Variants in YIPF4 observed in about 807,000 individuals in gnomAD.
YIPF4 encodes protein YIPF4.
YIPF4 carries 18 observed loss-of-function variants against 29.4 expected under a neutral mutation model. The ratio of observed to expected loss-of-function variants is 0.61; its 90% CI spans 0.42 to 0.91. The LOEUF (loss-of-function observed/expected upper bound fraction) is 0.91. Among genes scored for constraint, YIPF4 ranks in the 40% least tolerant of loss-of-function variants. YIPF4 has a pLI of 0.00. For missense variants in YIPF4, 279 were observed against 282.7 expected (o/e 0.99, Z 0.09); for synonymous variants, 115 against 104.7 (o/e 1.10, Z -0.60).
chr2:32,305,383 G>T, intron 5 of YIPF4, 106 bp from the exon 6 acceptor site: 1 of 1,290,512 alleles, frequency 7.7e-7, no homozygotes, highest in South Asian at 2.3e-5. Flanking sequence ...AAAATTGGTT[G>T]TTGATTTTTT....
chr2:32,281,373 C>T (rs2148956962), intron 1 of YIPF4, among the ~76,000 whole-genome samples: 1 of 152,162 alleles, frequency 6.6e-6, no homozygotes, highest in East Asian at 1.9e-4. Context: ...TCCTGAGTAA[C>T]TGGGACTACA....
chr2:32,284,530 C>T (rs755741374), intron 1 of YIPF4, among the ~76,000 whole-genome samples: 27 of 152,102 alleles, frequency 1.8e-4, no homozygotes, highest in Non-Finnish European at 2.9e-4. Flanking sequence ...TCTGTCTCTC[C>T]CTCCTCTGGC....
At position 32,298,249 on chromosome 2, in the gene YIPF4, A is replaced by T. The variant is rs1327950771; in HGVS notation, c.421A>T (p.Ile141Leu). The T allele has an allele frequency of 1.2e-6, 2 of 1,610,442 alleles. No homozygotes were observed. The highest frequency in any genetic ancestry group is 2.2e-5 in the East Asian group (1 of 44,702). The change falls in exon 4 of 6, where the codon ATA (isoleucine) becomes TTA (leucine). Residue 141 changes from isoleucine (I) to leucine (L), a missense_variant. Coordinates refer to ENST00000238831, the MANE Select transcript of YIPF4 (RefSeq NM_032312.4). ...YGQFRVVSWI[I>L]TIWIFGSLTI... ...TCCCCCTAAGGTGGTCTCATGGATT[A>T]TAACCATTTGGATATTTGGTTCACT...
chr2:32,283,296 A>G (rs1051830259), intron 1 of YIPF4, among the ~76,000 whole-genome samples: 4 of 152,144 alleles, frequency 2.6e-5, no homozygotes, highest in Admixed American at 2.0e-4. Flanking sequence ...TACACGTCAT[A>G]TAAATTCTTG....
intron 4 of YIPF4, 82 bp downstream of exon 4, chr2:32,298,393 A>G (rs998122581): frequency 9.6e-7 from 1 of 1,041,346 alleles, no homozygotes; most frequent in Non-Finnish European, 1.4e-6. Flanking sequence ...CATTAGCTAT[A>G]CAAGAAACTT....
intron 5 of YIPF4, among the ~76,000 whole-genome samples, chr2:32,302,386 T>C (rs2031436941): frequency 6.6e-6 from 1 of 152,138 alleles, no homozygotes; most frequent in Admixed American, 6.6e-5. Context: ...ATAATATGAG[T>C]TCATCTGACA....
intron 1 of YIPF4, among the ~76,000 whole-genome samples, chr2:32,279,032 A>G (rs1005624297): frequency 6.7e-6 from 1 of 150,338 alleles, no homozygotes; most frequent in African/African-American, 2.5e-5. Flanking sequence ...CAGTGGCGCG[A>G]TCTCGGCTCA....
chr2:32,291,554 GA>G (rs1288260958), intron 2 of YIPF4, among the ~76,000 whole-genome samples: 1 of 151,994 alleles, frequency 6.6e-6, no homozygotes, highest in Non-Finnish European at 1.5e-5. Flanking sequence ...CAAAAACAAA[GA>G]AACAAACCGT....
At chr2:32,286,599 G>A (rs1407347014) in intron 1 of YIPF4, among the ~76,000 whole-genome samples, 1 of 151,916 alleles carries the variant, frequency 6.6e-6, no homozygotes, top group African/African-American at 2.4e-5. Context: ...AGGCTGGAGT[G>A]CAGTGGCGCG....
chr2:32,312,325 A>G lies in YIPF4; in HGVS notation c.*6699A>G, dbSNP rs544226960. 1.3e-5 allele frequency: 2 copies of G among 151,408 alleles called. No homozygotes were observed. Among genetic ancestry groups the G allele is most frequent in the East Asian group, 3.9e-4 (2 of 5,078 alleles). 9.4% of individuals were successfully genotyped at this position (151,408 alleles called of 1,614,324 possible). On this transcript the variant is annotated 3_prime_UTR_variant, in exon 6 of 6. Coordinates refer to ENST00000238831, the MANE Select transcript of YIPF4 (RefSeq NM_032312.4). ...AACACGGTGAAACCCTGACTCTACTAAAAATACCAAAAATTAGCCGGGCGT... is the reference window on the plus strand; with the variant it reads ...AACACGGTGAAACCCTGACTCTACTGAAAATACCAAAAATTAGCCGGGCGT...
rs761827789 is a variant in YIPF4, at chr2:32,305,618, G to A, written c.727G>A (p.Gly243Ser). Residue 243 changes from glycine to serine, a missense_variant, in exon 6 of 6, where the codon GGT becomes AGT. Transcript: ENST00000238831. ...LYIYFLSLYTGV is the reference protein window; with the variant it reads ...LYIYFLSLYTSV ...CATTTATTTTTTGTCGTTATATACT[G>A]GTGTGTGATCCAAGTTATACATGAA... 6.3e-7 allele frequency: 1 copy of A among 1,590,418 alleles called. No individual in the cohort carries two copies. Among genetic ancestry groups the A allele is most frequent in the Admixed American group, 1.8e-5 (1 of 56,534 alleles).
chr2:32,291,142 A>C (rs1465149184), intron 2 of YIPF4, among the ~76,000 whole-genome samples: 4 of 152,248 alleles, frequency 2.6e-5, no homozygotes, highest in Non-Finnish European at 4.4e-5. Context: ...TGAAAAGAAG[A>C]ACCTATAGCT....
At position 32,306,615 on chromosome 2, in the gene YIPF4, T is replaced by A; in HGVS notation, c.*989T>A. On this transcript the variant is annotated 3_prime_UTR_variant, in exon 6 of 6. Transcript: ENST00000238831. ...CCATGTCCTGTATTACTTGATATTT[T>A]AACAAGTATCAGGTACTCTCTAACA... 1.0e-6 allele frequency: 1 copy of A among 984,096 alleles called. No homozygotes were observed. The highest frequency in any genetic ancestry group is 1.2e-6 in the Non-Finnish European group (1 of 828,678). The allele number at this position is 984,096 out of a possible 1,614,324, so 61.0% of individuals were successfully genotyped here.
intron 3 of YIPF4, 48 bp from the exon 4 acceptor site, chr2:32,298,183 TATC>T (rs758008693): frequency 7.2e-6 from 10 of 1,392,434 alleles, no homozygotes; most frequent in Non-Finnish European, 9.1e-6. Context: ...CCTGGAAAAT[TATC>T]ATCTTATTTG....
chr2:32,286,534 A>T (rs2030677752), intron 1 of YIPF4, among the ~76,000 whole-genome samples: 1 of 152,136 alleles, frequency 6.6e-6, no homozygotes, highest in African/African-American at 2.4e-5. Context: ...AAAAATTTAT[A>T]CAAGACTTTG....
chr2:32,280,258 G>C (rs2030337775), intron 1 of YIPF4, among the ~76,000 whole-genome samples: 1 of 151,220 alleles, frequency 6.6e-6, no homozygotes, highest in African/African-American at 2.4e-5. Context: ...CTCCCGAGTA[G>C]CTGGAACTAC....
rs1477459395 is a variant in YIPF4, at chr2:32,315,673, G to A, written c.*10047G>A. The A allele has an allele frequency of 6.6e-6, 1 of 151,916 alleles. No homozygotes were observed. Among genetic ancestry groups the A allele is most frequent in the Non-Finnish European group, 1.5e-5 (1 of 68,040 alleles). 9.4% of individuals were successfully genotyped at this position (151,916 alleles called of 1,614,324 possible). ...GAGAGTGGCATGAACCCGGGAGGCG[G>A]AGATTGCAGTGAGCCGAGATCGCGC... On this transcript the variant is annotated 3_prime_UTR_variant, in exon 6 of 6. Transcript: ENST00000238831.
Position 32,315,168 on chromosome 2 carries a change from C to A in YIPF4, c.*9542C>A, listed in dbSNP as rs910446834. On this transcript the variant is annotated 3_prime_UTR_variant, in exon 6 of 6. Coordinates refer to ENST00000238831, the MANE Select transcript of YIPF4 (RefSeq NM_032312.4). ...AAAGTTATTTCACCTCTAAGTATTA[C>A]ATCTACATTTCAAGCAGGAAGAAGA... 5 of 152,064 alleles carry A rather than the reference C, an allele frequency of 3.3e-5. No homozygotes were observed. The highest frequency in any genetic ancestry group is 1.2e-4 in the African/African-American group (5 of 41,398). The allele number at this position is 152,064 out of a possible 1,614,324, so 9.4% of individuals were successfully genotyped here.
At chr2:32,303,103 G>A (rs2031460155) in intron 5 of YIPF4, among the ~76,000 whole-genome samples, 1 of 151,960 alleles carries the variant, frequency 6.6e-6, no homozygotes, top group African/African-American at 2.4e-5. Context: ...GGTGGCTACC[G>A]CCTATAATCC....
Sources: allele counts gnomAD v4.1 joint callset (sites outside exome capture counted in the v4.1 genomes callset), GRCh38; gene constraint gnomAD v4.1.1; transcripts MANE v1.5; gene names NCBI Gene and HGNC (gene_info 2026-07-23, HGNC 2026-07-21).